The following NEGR1 variants were observed in gnomAD, a reference collection of about 807,000 sequenced individuals.
NEGR1 encodes IgLON family member 4.
Under a neutral mutation model 40.9 loss-of-function variants are expected in NEGR1, and 10 were observed. The ratio of observed to expected loss-of-function variants is 0.24; its 90% confidence interval spans 0.15 to 0.42. The LOEUF (loss-of-function observed/expected upper bound fraction) is 0.42, where lower values mean the gene tolerates loss of function less well. Among genes scored for constraint, NEGR1 ranks in the 10% least tolerant of loss-of-function variants. NEGR1 has a pLI of 1.00. For synonymous variants in NEGR1, 185 were observed against 166.8 expected, an observed-to-expected ratio of 1.11 and a Z score of -0.84; for missense variants, 352 against 438.9, an observed-to-expected ratio of 0.80 and a Z score of 1.77.
At position 71,542,384 on chromosome 1, in the gene NEGR1, C is replaced by T. The variant is rs981595135; in HGVS notation, c.940+50433G>A. Among the ~76,000 whole-genome samples the T allele has an allele frequency of 2.0e-5, 3 of 151,694 alleles. 1 individual carries two copies. Among genetic ancestry groups the T allele is most frequent in the Admixed American group, 1.3e-4 (2 of 15,214 alleles). On this transcript the variant is annotated intron_variant, in intron 6 of 6. Coordinates refer to ENST00000357731, the MANE Select transcript of NEGR1 (RefSeq NM_173808.3). The stretch of plus-strand genomic sequence containing the variant: ...ACGAGCCTGTTGACAAGTTTAGCAA[C>T]AGCACATTCTGTACTAGGCAATGCT...
intron 6 of NEGR1, among the ~76,000 whole-genome samples, chr1:71,542,327 A>G (rs987392977): frequency 6.6e-6 from 1 of 151,782 alleles, no homozygotes; most frequent in African/African-American, 2.4e-5. Context: ...AGACAACACC[A>G]GAAGGGGAAG....
intron 3 of NEGR1, among the ~76,000 whole-genome samples, chr1:71,730,763 ATC>A (rs1439668307): frequency 6.6e-6 from 1 of 151,710 alleles, no homozygotes; most frequent in African/African-American, 2.4e-5. Context: ...ATTCACAAAC[ATC>A]TGTTTTAACT....
chr1:71,959,331 CTG>C (rs1557455833), intron 1 of NEGR1, among the ~76,000 whole-genome samples: 1 of 152,152 alleles, frequency 6.6e-6, no homozygotes, highest in African/African-American at 2.4e-5. Context: ...CATTTTGTCA[CTG>C]TTTTGTCAGA....
At chr1:72,126,143 G>C (rs1222418032) in intron 1 of NEGR1, among the ~76,000 whole-genome samples, 1 of 149,798 alleles carries the variant, frequency 6.7e-6, no homozygotes, top group African/African-American at 2.5e-5. Context: ...GTGAAAGACA[G>C]AGAAAGAGAG....
At chr1:72,267,111 G>A (rs181254119) in intron 1 of NEGR1, among the ~76,000 whole-genome samples, 11 of 150,920 alleles carry the variant, frequency 7.3e-5, no homozygotes, top group African/African-American at 1.5e-4. Context: ...AGCTTCCAAC[G>A]TTTACCTTTT....
intron 1 of NEGR1, among the ~76,000 whole-genome samples, chr1:71,949,365 G>A (rs149926726): frequency 6.6e-6 from 1 of 152,120 alleles, no homozygotes; most frequent in East Asian, 1.9e-4. Flanking sequence ...ATTCTTTATT[G>A]CCCTGCACTG....
At chr1:71,764,651 G>A (rs1656058837) in intron 3 of NEGR1, among the ~76,000 whole-genome samples, 1 of 152,180 alleles carries the variant, frequency 6.6e-6, no homozygotes, top group African/African-American at 2.4e-5. Context: ...TGAGAGCATT[G>A]AAGATGAGGA....
At chr1:72,041,115 T>A (rs796484094) in intron 1 of NEGR1, among the ~76,000 whole-genome samples, 13 of 152,020 alleles carry the variant, frequency 8.6e-5, no homozygotes, top group African/African-American at 2.9e-4. Context: ...AAAAGTTAAA[T>A]TAAGCATAAA....
At chr1:71,554,895 T>A (rs1648205894) in intron 6 of NEGR1, among the ~76,000 whole-genome samples, 1 of 151,412 alleles carries the variant, frequency 6.6e-6, no homozygotes, top group Admixed American at 6.6e-5. Flanking sequence ...GTCCCAGAAA[T>A]CCAAGAACCT....
chr1:71,447,723 C>T (rs1023479937), intron 6 of NEGR1, among the ~76,000 whole-genome samples: 17 of 152,284 alleles, frequency 1.1e-4, no homozygotes, highest in African/African-American at 3.4e-4. Context: ...CATTTTCTCC[C>T]TAAGGGACTA....
chr1:72,156,275 A>G (rs982239463), intron 1 of NEGR1, among the ~76,000 whole-genome samples: 1 of 152,132 alleles, frequency 6.6e-6, no homozygotes, highest in African/African-American at 2.4e-5. Context: ...ATCTTCAACT[A>G]CTGAAATATA....
At chr1:71,626,876 C>A (rs1382108475) in intron 4 of NEGR1, among the ~76,000 whole-genome samples, 1 of 152,074 alleles carries the variant, frequency 6.6e-6, no homozygotes, top group Non-Finnish European at 1.5e-5. Flanking sequence ...CTTTATGCAG[C>A]CAAAAGATAC....
chr1:72,061,400 T>C (rs544414314), intron 1 of NEGR1, among the ~76,000 whole-genome samples: 41 of 151,910 alleles, frequency 2.7e-4, no homozygotes, highest in African/African-American at 9.9e-4. Context: ...ATTTTAGATA[T>C]TTAATGGGAT....
chr1:71,625,772 C>T (rs937064087), intron 4 of NEGR1, among the ~76,000 whole-genome samples: 9 of 151,804 alleles, frequency 5.9e-5, no homozygotes, highest in Admixed American at 2.6e-4. Context: ...CTGGACATAT[C>T]GTGTGCCTCT....
chr1:72,228,965 A>T (rs1342993359), intron 1 of NEGR1, among the ~76,000 whole-genome samples: 2 of 152,102 alleles, frequency 1.3e-5, no homozygotes, highest in Admixed American at 1.3e-4. Context: ...CAGAATTTTT[A>T]AAAATGTCAA....
At chr1:71,567,901 A>G (rs1246200486) in intron 6 of NEGR1, among the ~76,000 whole-genome samples, 1 of 151,990 alleles carries the variant, frequency 6.6e-6, no homozygotes, top group South Asian at 2.1e-4. Context: ...TGAGGATGCA[A>G]CCAGAAGTTA....
intron 1 of NEGR1, among the ~76,000 whole-genome samples, chr1:72,196,245 T>C (rs1652994875): frequency 1.3e-5 from 2 of 151,982 alleles, no homozygotes. Context: ...ATTTGGGATT[T>C]TTAAATTAGG....
intron 1 of NEGR1, among the ~76,000 whole-genome samples, chr1:72,073,957 G>A (rs1159201702): frequency 1.3e-5 from 2 of 151,994 alleles, no homozygotes; most frequent in Non-Finnish European, 2.9e-5. Context: ...AAATACAAAA[G>A]TTTTGAGATT....
At chr1:71,493,129 T>C (rs1431712652) in intron 6 of NEGR1, among the ~76,000 whole-genome samples, 1 of 152,138 alleles carries the variant, frequency 6.6e-6, no homozygotes, top group Non-Finnish European at 1.5e-5. Flanking sequence ...TCTACAGTCA[T>C]TACCATCGCC....
Sources: gnomAD v4.1 joint callset for allele counts (sites outside exome capture counted in the v4.1 genomes callset) on GRCh38, gnomAD v4.1.1 for gene constraint, MANE v1.5 for transcripts, NCBI Gene and HGNC (gene_info 2026-07-23, HGNC 2026-07-21) for gene names.